The following TAOK3 variants were observed in gnomAD, a reference collection of about 807,000 sequenced individuals.
TAOK3 encodes TAO kinase 3.
A neutral mutation model predicts 120.4 loss-of-function variants in TAOK3; 40 were observed. The observed-to-expected ratio is 0.33, with a 90% CI of 0.26 to 0.43. The LOEUF is 0.43. Ranked by LOEUF, TAOK3 falls within the 20% of genes least tolerant of loss-of-function variation. The pLI, the probability that TAOK3 is intolerant of heterozygous loss-of-function variation, is 1.00. For synonymous variants in TAOK3, 355 were observed against 387.5 expected (o/e 0.92, Z 0.99); for missense variants, 821 against 1,112.1 (o/e 0.74, Z 3.72).
intron 14 of TAOK3, 83 bp downstream of exon 14, chr12:118,189,724 G>A (rs1007964782): frequency 2.6e-6 from 4 of 1,531,446 alleles, no homozygotes; most frequent in Admixed American, 1.8e-5. Flanking sequence ...CCATGAAGCC[G>A]AGACAGGCTC....
At chr12:118,182,616 TATA>T in intron 14 of TAOK3, among the ~76,000 whole-genome samples, 1 of 89,664 alleles carries the variant, frequency 1.1e-5, no homozygotes, top group African/African-American at 4.8e-5. Flanking sequence ...TATATATATA[TATA>T]TATATTTTTT....
intron 1 of TAOK3, among the ~76,000 whole-genome samples, chr12:118,357,008 A>C (rs931279573): frequency 3.3e-5 from 5 of 152,240 alleles, no homozygotes; most frequent in Non-Finnish European, 5.9e-5. Flanking sequence ...TCTTAATAGA[A>C]TATCCAGTGA....
chr12:118,363,677 G>A lies in TAOK3; in HGVS notation c.-194+8971C>T, dbSNP rs936666950. Among the ~76,000 whole-genome samples, 45 of 151,978 alleles carry A rather than the reference G, an allele frequency of 3.0e-4. 1 individual carries two copies. The highest frequency in any genetic ancestry group is 4.4e-5 in the Non-Finnish European group (3 of 68,008). On this transcript the variant is annotated intron_variant, in intron 1 of 20. Transcript: ENST00000392533. ...AGAAATGGAACAAAATCCTGAATGG[G>A]GCACATCACTAAGCGCTTGGCTAGT...
rs763181378 is a variant in TAOK3, at chr12:118,161,770, C to T, written c.2139+18G>A. On this transcript the variant is annotated intron_variant, in intron 18 of 20. Transcript: ENST00000392533. The surrounding 1 kb of genome is among the most constrained non-coding windows in gnomAD (Gnocchi z 4.5). ...ACCACTGATCTGGTCCAACACTGTC[C>T]AGCAGCACAAATCTTACCTTTAAGT... is the stretch of plus-strand genomic sequence containing the variant. 1 of 1,613,780 alleles carries T rather than the reference C, an allele frequency of 6.2e-7. No homozygotes were observed. Among genetic ancestry groups the T allele is most frequent in the Non-Finnish European group, 8.5e-7 (1 of 1,179,916 alleles).
chr12:118,210,740 C>CTTTT (rs972130210), intron 11 of TAOK3, among the ~76,000 whole-genome samples: 2 of 139,082 alleles, frequency 1.4e-5, no homozygotes, highest in African/African-American at 2.7e-5. Context: ...TTTCTTTTTT[C>CTTTT]TTTTTTTTTT....
chr12:118,188,468 A>G (rs1171543235), intron 14 of TAOK3, among the ~76,000 whole-genome samples: 2 of 152,212 alleles, frequency 1.3e-5, no homozygotes, highest in South Asian at 4.1e-4. Context: ...TTGCTCATCA[A>G]AGAGATCACA....
intron 1 of TAOK3, among the ~76,000 whole-genome samples, chr12:118,270,982 T>G (rs749951103): frequency 5.5e-4 from 83 of 152,260 alleles, no homozygotes; most frequent in Non-Finnish European, 1.0e-3. Context: ...CGGCTAAATG[T>G]CACTTCTATA....
chr12:118,180,644 G>A (rs1010645996), intron 15 of TAOK3, among the ~76,000 whole-genome samples: 1 of 152,088 alleles, frequency 6.6e-6, no homozygotes, highest in Non-Finnish European at 1.5e-5. Context: ...TTTGCTCAGG[G>A]GCTCATCAGC....
At chr12:118,173,462 A>G (rs2036131308) in intron 16 of TAOK3, among the ~76,000 whole-genome samples, 1 of 152,228 alleles carries the variant, frequency 6.6e-6, no homozygotes, top group Non-Finnish European at 1.5e-5. Context: ...AGGCAAGAAC[A>G]TATGAAGATA....
intron 1 of TAOK3, among the ~76,000 whole-genome samples, chr12:118,360,295 C>T (rs2045550740): frequency 1.5e-5 from 2 of 137,828 alleles, no homozygotes; most frequent in African/African-American, 5.5e-5. Flanking sequence ...TGGCCGGGCA[C>T]GGTGGCTCAC....
intron 1 of TAOK3, among the ~76,000 whole-genome samples, chr12:118,357,230 T>C (rs1489168177): frequency 1.3e-5 from 2 of 152,200 alleles, no homozygotes; most frequent in African/African-American, 4.8e-5. Context: ...CAGAACAATC[T>C]AGAACTATAA....
chr12:118,241,678 A>G (rs988953873), intron 5 of TAOK3, among the ~76,000 whole-genome samples: 1 of 152,122 alleles, frequency 6.6e-6, no homozygotes, highest in African/African-American at 2.4e-5. Flanking sequence ...CTTTTTCCGT[A>G]TGGTTAAATT....
At chr12:118,305,066 C>T (rs1217223597) in intron 1 of TAOK3, among the ~76,000 whole-genome samples, 3 of 152,134 alleles carry the variant, frequency 2.0e-5, no homozygotes, top group Non-Finnish European at 4.4e-5. Context: ...TCAGTTTCCT[C>T]ATCTGTACAA....
At chr12:118,172,779 T>C in intron 16 of TAOK3, 119 bp from the exon 17 acceptor site, 2 of 914,866 alleles carry the variant, frequency 2.2e-6, no homozygotes, top group South Asian at 3.0e-5. Context: ...ACAGAAAAGC[T>C]TAGTGTTGCA....
rs2045882994 is a variant in TAOK3, at chr12:118,371,275, G to A, written c.-194+1373C>T. Among the ~76,000 whole-genome samples the A allele has an allele frequency of 6.6e-6, 1 of 152,118 alleles. No individual in the cohort carries two copies. The highest frequency in any genetic ancestry group is 2.4e-5 in the African/African-American group (1 of 41,398). ...TTCTTGTGGAGGGGGAAGTGGGGGA[G>A]GTTTGAAGAAGCCCCTTCCAACTTT... On this transcript the variant is annotated intron_variant, in intron 1 of 20. Transcript: ENST00000392533. The surrounding 1 kb of genome is among the most constrained non-coding windows in gnomAD (Gnocchi z 5.5).
At chr12:118,230,302 GTTCTACTGGATACTAGTCTTTCCC>G (rs2039706389) in intron 9 of TAOK3, among the ~76,000 whole-genome samples, 1 of 151,894 alleles carries the variant, frequency 6.6e-6, no homozygotes, top group Non-Finnish European at 1.5e-5. Flanking sequence ...TTCCTAGTCT[GTTCTACTGGATACTAGTCTTTCCC>G]TGCAACAATA....
chr12:118,347,460 A>AG (rs1355629464), intron 1 of TAOK3, among the ~76,000 whole-genome samples: 1 of 151,896 alleles, frequency 6.6e-6, no homozygotes, highest in African/African-American at 2.4e-5. Flanking sequence ...TGAGGGGAGG[A>AG]GGGGGAGCTT....
chr12:118,306,703 A>G (rs1261553528), intron 1 of TAOK3, among the ~76,000 whole-genome samples: 2 of 152,232 alleles, frequency 1.3e-5, no homozygotes, highest in East Asian at 1.9e-4. Context: ...CTAAGCCACA[A>G]TGGTAGGTTC....
At chr12:118,208,232 G>C (rs1037161213) in intron 11 of TAOK3, among the ~76,000 whole-genome samples, 21 of 152,090 alleles carry the variant, frequency 1.4e-4, no homozygotes, top group African/African-American at 4.8e-4. Context: ...AAGTGTGAAA[G>C]TGATGTTTTA....
Sources: gnomAD v4.1 joint callset for allele counts (sites outside exome capture counted in the v4.1 genomes callset) on GRCh38, gnomAD v4.1.1 for gene constraint, Gnocchi (gnomAD v3.1) non-coding constraint, MANE v1.5 for transcripts, NCBI Gene and HGNC (gene_info 2026-07-23, HGNC 2026-07-21) for gene names.